KCNMB3: variants seen among roughly 807,000 people sequenced by gnomAD.
KCNMB3 encodes calcium-activated potassium channel subunit beta-3.
Under a neutral mutation model 11.9 loss-of-function variants are expected in KCNMB3, and 18 were observed. The ratio of observed to expected loss-of-function variants is 1.51; its 90% CI spans 1.04 to 2.23. The LOEUF (loss-of-function observed/expected upper bound fraction) is 2.23. KCNMB3 is among the 30% of genes most tolerant of loss of function. The pLI, the probability that KCNMB3 is intolerant of heterozygous loss-of-function variation, is 0.00. For missense variants in KCNMB3, 247 were observed against 329.4 expected (o/e 0.75, Z 1.94); for synonymous variants, 78 against 119.2 (o/e 0.65, Z 2.25).
intron 1 of KCNMB3, among the ~76,000 whole-genome samples, chr3:179,262,775 A>G (rs570996821): frequency 2.6e-5 from 4 of 152,300 alleles, no homozygotes; most frequent in Non-Finnish European, 1.5e-5. Context: ...CTAGATACAG[A>G]GTGTGGACAC....
upstream of KCNMB3, among the ~76,000 whole-genome samples, chr3:179,253,249 G>A (rs955147359): frequency 2.0e-5 from 3 of 152,060 alleles, no homozygotes; most frequent in African/African-American, 4.8e-5. Context: ...TAATGAGGTC[G>A]CTCTTCTAAT....
At position 179,251,047 on chromosome 3, in the gene KCNMB3, G is replaced by A. The variant is rs1201084578; in HGVS notation, c.-57C>T. 7 of 1,614,086 alleles carry A rather than the reference G, an allele frequency of 4.3e-6. No individual in the cohort carries two copies. The Admixed American group carries it at 6.7e-5, about 15-fold the overall frequency. ...CATTTGCTGCCTACCTGTGTCTCGTGAGCAGGATGAATGCAACAAAATGAA... is the reference window on the plus strand; with the variant it reads ...CATTTGCTGCCTACCTGTGTCTCGTAAGCAGGATGAATGCAACAAAATGAA... On this transcript the variant is annotated 5_prime_UTR_variant, in exon 1 of 3. Coordinates refer to ENST00000392685, the MANE Select transcript of KCNMB3 (RefSeq NM_171830.2).
downstream of KCNMB3, chr3:179,242,491 TAAG>T (rs1284153979): frequency 6.5e-6 from 1 of 153,234 alleles, no homozygotes; most frequent in African/African-American, 2.4e-5. Flanking sequence ...AACAAACTGT[TAAG>T]AACTTTTTTA....
chr3:179,249,112 A>C (rs1034444547), intron 1 of KCNMB3, among the ~76,000 whole-genome samples: 6 of 145,108 alleles, frequency 4.1e-5, no homozygotes, highest in Non-Finnish European at 8.9e-5. Flanking sequence ...TCCTGGGTTC[A>C]CACCATTCTC....
chr3:179,260,309 G>C (rs997766593), intron 1 of KCNMB3: 3 of 1,613,870 alleles, frequency 1.9e-6, no homozygotes, highest in Admixed American at 1.7e-5. Context: ...GGAGAGAAGC[G>C]CTCTCAAGAA....
downstream of KCNMB3, chr3:179,242,669 C>T: frequency 1.6e-6 from 1 of 624,310 alleles, no homozygotes; most frequent in Non-Finnish European, 2.3e-6. Context: ...GGAAAAAAAA[C>T]AGTGCTTCCT....
At chr3:179,249,938 T>C (rs1725777654) in intron 1 of KCNMB3, among the ~76,000 whole-genome samples, 1 of 152,156 alleles carries the variant, frequency 6.6e-6, no homozygotes, top group Non-Finnish European at 1.5e-5. Context: ...CTGGGCTTAA[T>C]ACCCAGGTGA....
Position 179,244,539 on chromosome 3 carries a change from C to T in KCNMB3, c.403G>A (p.Ala135Thr). The T allele has an allele frequency of 6.2e-7, 1 of 1,614,122 alleles. No individual in the cohort carries two copies. The highest frequency in any genetic ancestry group is 8.5e-7 in the Non-Finnish European group (1 of 1,180,026). The part of the protein sequence containing the change: ...FVNLSHPGQK[A>T]LLHYNEEAVQ... ...GCCTCTTCATTATAATGTAGGAGAGCTTTCTGACCTGGATGGCTGAGGTTC... is the reference window on the plus strand; with the variant it reads ...GCCTCTTCATTATAATGTAGGAGAGTTTTCTGACCTGGATGGCTGAGGTTC... Residue 135 changes from alanine to threonine, a missense_variant, in exon 2 of 3, where the codon GCT (alanine) becomes ACT (threonine). By Grantham distance (58) the Ala-to-Thr change is moderately conservative. Coordinates refer to ENST00000392685, the MANE Select transcript of KCNMB3 (RefSeq NM_171830.2).
rs1726124760 is a variant in KCNMB3 at position 179,259,326 on chromosome 3, A to G, written c.62+7323T>C. 9.6e-6 allele frequency: 15 copies of G among 1,564,692 alleles called. 1 individual carries two copies. In the South Asian group the frequency reaches 1.7e-4, roughly 18 times the overall value. On this transcript the variant is annotated intron_variant, in intron 1 of 3. Transcript: ENST00000349697. The stretch of plus-strand genomic sequence containing the variant: ...AGGATTGCTTTAAGTGGCACCAGCT[A>G]TTTTAGCATTATCTTTTGCAACACC...
chr3:179,248,055 C>T (rs749286448), intron 1 of KCNMB3, among the ~76,000 whole-genome samples: 2 of 152,150 alleles, frequency 1.3e-5, no homozygotes, highest in African/African-American at 2.4e-5. Context: ...GGCCATCCTA[C>T]AAAATTAAAT....
intron 1 of KCNMB3, among the ~76,000 whole-genome samples, chr3:179,264,660 C>T (rs543218594): frequency 1.3e-5 from 2 of 152,324 alleles, no homozygotes; most frequent in East Asian, 3.9e-4. Flanking sequence ...ACACACTCAC[C>T]TGGGTGTGAT....
At chr3:179,257,147 G>A (rs1322610139) in intron 1 of KCNMB3, among the ~76,000 whole-genome samples, 1 of 152,146 alleles carries the variant, frequency 6.6e-6, no homozygotes, top group African/African-American at 2.4e-5. Context: ...TCAGTGATAG[G>A]TGAGACCCTA....
chr3:179,249,007 CTTTTTTT>C lies in KCNMB3; in HGVS notation c.248+1729_248+1735del, dbSNP rs1169837939. 7.7e-3 allele frequency among the ~76,000 whole-genome samples: 692 copies of C among 89,872 alleles called. 20 individuals carry two copies. The South Asian group carries it at 0.1, about 13-fold the overall frequency. 59.0% of individuals were successfully genotyped at this position (89,872 alleles called of 152,430 possible). A position where few individuals can be genotyped will look rare whatever the true frequency, so the allele number is the denominator to read the frequency against. ...AGTGTCACAGAGCAAGACCCCGTCT[CTTTTTTT>C]TTTTTTTTTTTTTTTTGAGACAGAG... On this transcript the variant is annotated intron_variant, in intron 1 of 2. Coordinates refer to ENST00000392685, the MANE Select transcript of KCNMB3 (RefSeq NM_171830.2).
chr3:179,255,528 G>GTA (rs1336833422), upstream of KCNMB3, among the ~76,000 whole-genome samples: 1 of 152,146 alleles, frequency 6.6e-6, no homozygotes, highest in South Asian at 2.1e-4. Context: ...AATAGCCAGA[G>GTA]TATAATACAG....
chr3:179,247,591 T>G (rs553826301), intron 1 of KCNMB3, among the ~76,000 whole-genome samples: 2 of 152,266 alleles, frequency 1.3e-5, no homozygotes, highest in Admixed American at 6.5e-5. Flanking sequence ...CAAAGTTGCC[T>G]CTGGGTTTCC....
chr3:179,241,203 A>G (rs1445592163), downstream of KCNMB3: 49 of 152,232 alleles, frequency 3.2e-4, no homozygotes, highest in Non-Finnish European at 5.9e-5. Flanking sequence ...AAGCTAAGCT[A>G]AAGTTTCACC....
At chr3:179,245,118 T>C (rs1560154683) in intron 1 of KCNMB3, among the ~76,000 whole-genome samples, 1 of 152,182 alleles carries the variant, frequency 6.6e-6, no homozygotes, top group Non-Finnish European at 1.5e-5. Context: ...AGAACCACAG[T>C]GTAAACAGTG....
chr3:179,255,180 A>C (rs575761211), upstream of KCNMB3, among the ~76,000 whole-genome samples: 12 of 152,010 alleles, frequency 7.9e-5, 1 homozygote, highest in African/African-American at 2.6e-4. Context: ...AAAATGAATA[A>C]ATAAATACAT....
intron 1 of KCNMB3, among the ~76,000 whole-genome samples, chr3:179,246,104 C>G (rs1174962910): frequency 6.6e-6 from 1 of 152,116 alleles, no homozygotes; most frequent in Admixed American, 6.5e-5. Flanking sequence ...TTAGCAAGCT[C>G]TAAAGTCAGA....
Sources: allele counts gnomAD v4.1 joint callset (sites outside exome capture counted in the v4.1 genomes callset), GRCh38; gene constraint gnomAD v4.1.1; transcripts MANE v1.5; gene names NCBI Gene and HGNC (gene_info 2026-07-23, HGNC 2026-07-21).